Variants in MICU1 observed in about 807,000 individuals in gnomAD.
MICU1 encodes mitochondrial calcium uptake 1.
A neutral mutation model predicts 56.8 loss-of-function variants in MICU1; 45 were observed. That is an observed-to-expected ratio of 0.79 (90% CI 0.62 to 1.02). MICU1 has a LOEUF of 1.02. MICU1 is among the 50% of genes least tolerant of loss of function. MICU1 has a pLI of 0.00. For missense variants in MICU1, 504 were observed against 587.1 expected (o/e 0.86, Z 1.46); for synonymous variants, 186 against 195.1 (o/e 0.95, Z 0.39).
chr10:72,625,551 T>C (rs1357575168), intron 1 of MICU1, among the ~76,000 whole-genome samples: 2 of 152,180 alleles, frequency 1.3e-5, no homozygotes, highest in Non-Finnish European at 2.9e-5. Context: ...CTCCTTTGAG[T>C]CCTCACTGAT....
intron 3 of MICU1, among the ~76,000 whole-genome samples, chr10:72,557,103 T>C (rs1299821049): frequency 6.6e-6 from 1 of 152,012 alleles, no homozygotes; most frequent in Non-Finnish European, 1.5e-5. Context: ...ATGGCCTTGA[T>C]TCTTGGCCTT....
At position 72,508,288 on chromosome 10, in the gene MICU1, C is replaced by T; in HGVS notation, c.538-19G>A. 8.3e-7 allele frequency: 1 copy of T among 1,197,878 alleles called. No individual in the cohort carries two copies. The highest frequency in any genetic ancestry group is 1.5e-5 in the African/African-American group (1 of 66,356). 74.2% of individuals were successfully genotyped at this position (1,197,878 alleles called of 1,614,324 possible). A position where few individuals can be genotyped will look rare whatever the true frequency, so the allele number is the denominator to read the frequency against. ...AAATTTTCTATAGAATGTATGGGTC[C>T]CACCAAAAGACAAAAATATATAAGT... On this transcript the variant is annotated intron_variant, in intron 5 of 11. Transcript: ENST00000361114.
rs777914271 is a variant in MICU1, at chr10:72,475,177, C to T, written c.856G>A (p.Asp286Asn). The T allele has an allele frequency of 6.2e-7, 1 of 1,611,182 alleles. No homozygotes were observed. The highest frequency in any genetic ancestry group is 1.7e-5 in the Admixed American group (1 of 59,618). ...SALTTYFFGA[D>N]LKGKLTIKNF... Reference sequence around the variant, plus strand: ...TTGATTGTCAGCTTTCCCTTCAGATCAGCTCCAAAAAAGTAGGTTGTGAGG... The same window carrying T: ...TTGATTGTCAGCTTTCCCTTCAGATTAGCTCCAAAAAAGTAGGTTGTGAGG... The change falls in exon 8 of 12, where the codon GAT (aspartate) becomes AAT (asparagine). Residue 286 changes from aspartate to asparagine, a missense_variant. Transcript: ENST00000361114.
intron 8 of MICU1, among the ~76,000 whole-genome samples, chr10:72,433,874 T>C (rs547154514): frequency 6.6e-6 from 1 of 152,356 alleles, no homozygotes; most frequent in African/African-American, 2.4e-5. Context: ...TCAATGACGA[T>C]GATTAAATCC....
Position 72,508,195 on chromosome 10 carries a change from T to C in MICU1, c.612A>G (p.Ile204Met), listed in dbSNP as rs765496581. The change falls in exon 6 of 12, where the codon ATA (isoleucine) becomes ATG (methionine). Residue 204 changes from isoleucine (I) to methionine (M), a missense_variant. By Grantham distance (10) the Ile-to-Met change is conservative. Coordinates refer to ENST00000361114, the MANE Select transcript of MICU1 (RefSeq NM_001195518.2). The part of the protein sequence containing the change: ...IFYTLGECGL[I>M]SFSDYIFLTT... ...TGAGGAAAATGTAGTCTGAAAAGGA[T>C]ATGAGCCCACATTCTCCAAGGGTGT... 3 of 1,550,532 alleles carry C rather than the reference T, an allele frequency of 1.9e-6. No homozygotes were observed. In the South Asian group the frequency reaches 3.8e-5, roughly 19 times the overall value.
intron 11 of MICU1, among the ~76,000 whole-genome samples, chr10:72,371,499 T>C (rs529246514): frequency 6.6e-6 from 1 of 152,048 alleles, no homozygotes; most frequent in South Asian, 2.1e-4. Context: ...TCCCAGCACT[T>C]TGGGAGGCCA....
intron 1 of MICU1, among the ~76,000 whole-genome samples, chr10:72,625,743 G>T (rs1355406311): frequency 6.6e-6 from 1 of 152,202 alleles, no homozygotes; most frequent in Non-Finnish European, 1.5e-5. Context: ...GGCACTGGGA[G>T]AAGTTCTCCC....
chr10:72,533,239 T>TATAACAAA, intron 5 of MICU1: 1 of 793,582 alleles, frequency 1.3e-6, no homozygotes, highest in Non-Finnish European at 1.8e-6. Flanking sequence ...CTAAGAATAA[T>TATAACAAA]TTGTTATATT....
chr10:72,388,237 T>C (rs1862957600), intron 10 of MICU1, among the ~76,000 whole-genome samples: 1 of 152,244 alleles, frequency 6.6e-6, no homozygotes, highest in African/African-American at 2.4e-5. Context: ...GAGGAACACC[T>C]TGGTCATTGG....
intron 6 of MICU1, among the ~76,000 whole-genome samples, chr10:72,482,859 AT>A (rs1589264483): frequency 6.8e-6 from 1 of 148,036 alleles, no homozygotes; most frequent in African/African-American, 2.5e-5. Flanking sequence ...ATATTTATTT[AT>A]TTTATTTTAT....
At chr10:72,387,536 T>C (rs972000472) in intron 10 of MICU1, among the ~76,000 whole-genome samples, 3 of 152,176 alleles carry the variant, frequency 2.0e-5, no homozygotes, top group African/African-American at 7.2e-5. Flanking sequence ...ATATGAGACA[T>C]ATCAATAGGG....
chr10:72,603,548 T>C (rs369759213), intron 1 of MICU1, among the ~76,000 whole-genome samples: 15 of 152,008 alleles, frequency 9.9e-5, no homozygotes, highest in Non-Finnish European at 4.4e-5. Flanking sequence ...CCAGGCACAG[T>C]AGCTCACACC....
chr10:72,427,837 T>G (rs1479766166), intron 8 of MICU1, among the ~76,000 whole-genome samples: 1 of 151,372 alleles, frequency 6.6e-6, no homozygotes, highest in Non-Finnish European at 1.5e-5. Flanking sequence ...CTCAAGCCAC[T>G]GAGCTGAACA....
At chr10:72,451,360 G>A (rs981747126) in intron 8 of MICU1, among the ~76,000 whole-genome samples, 1 of 151,792 alleles carries the variant, frequency 6.6e-6, no homozygotes, top group African/African-American at 2.4e-5. Flanking sequence ...TCTCTTCTTG[G>A]GGTCCTAATA....
At chr10:72,534,974 A>G (rs1564923247) in intron 4 of MICU1, among the ~76,000 whole-genome samples, 2 of 102,010 alleles carry the variant, frequency 2.0e-5, no homozygotes, top group Non-Finnish European at 4.8e-5. Context: ...GTTCTAGACA[A>G]TTAAAACTTT....
intron 6 of MICU1, among the ~76,000 whole-genome samples, chr10:72,493,207 A>C (rs1212967906): frequency 6.6e-6 from 1 of 151,624 alleles, no homozygotes; most frequent in African/African-American, 2.4e-5. Context: ...ACACACACAC[A>C]CACACCCACA....
At chr10:72,562,064 A>G (rs939794158) in intron 3 of MICU1, among the ~76,000 whole-genome samples, 1 of 151,472 alleles carries the variant, frequency 6.6e-6, no homozygotes, top group African/African-American at 2.4e-5. Context: ...CAAATACCTG[A>G]TATCATAGGA....
intron 6 of MICU1, among the ~76,000 whole-genome samples, chr10:72,500,821 T>C (rs1867046057): frequency 6.6e-6 from 1 of 152,172 alleles, no homozygotes; most frequent in Non-Finnish European, 1.5e-5. Context: ...GTAAGAATGA[T>C]CCAAGTCAAT....
At chr10:72,610,235 TAA>T (rs1266519633) in intron 1 of MICU1, among the ~76,000 whole-genome samples, 3 of 122,650 alleles carry the variant, frequency 2.4e-5, no homozygotes, top group African/African-American at 9.9e-5. Context: ...TACTCCAGCA[TAA>T]GTGACAGAGT....
Sources: gnomAD v4.1 joint callset for allele counts (sites outside exome capture counted in the v4.1 genomes callset) on GRCh38, gnomAD v4.1.1 for gene constraint, MANE v1.5 for transcripts, NCBI Gene and HGNC (gene_info 2026-07-23, HGNC 2026-07-21) for gene names.